TMEM182: variants seen among roughly 807,000 people sequenced by gnomAD.
The protein encoded by TMEM182 is transmembrane protein 182.
A neutral mutation model predicts 26.8 loss-of-function variants in TMEM182; 20 were observed. That is an observed-to-expected ratio of 0.75 (90% confidence interval 0.53 to 1.09). TMEM182 has a LOEUF of 1.09. Ranked by LOEUF, TMEM182 falls within the 50% of genes least tolerant of loss-of-function variation. The pLI is 0.00. For synonymous variants in TMEM182, 109 were observed against 102.2 expected, an observed-to-expected ratio of 1.07 and a Z score of -0.40; for missense variants, 277 against 275.5, an observed-to-expected ratio of 1.01 and a Z score of -0.04.
At position 102,816,508 on chromosome 2, in the gene TMEM182, G is replaced by A. The variant is rs893342982; in HGVS notation, c.*1540G>A. The A allele has an allele frequency of 4.7e-5, 38 of 809,726 alleles. No homozygotes were observed. In the East Asian group the frequency reaches 5.2e-3, roughly 111 times the overall value. The allele number at this position is 809,726 out of a possible 1,614,324, so 50.2% of individuals were successfully genotyped here. Reference sequence around the variant, plus strand: ...TCAGGGCATTTTCATGACAGGACTTGCCAATAATAATAATAATAATAATAA... The same window carrying A: ...TCAGGGCATTTTCATGACAGGACTTACCAATAATAATAATAATAATAATAA... On this transcript the variant is annotated 3_prime_UTR_variant, in exon 5 of 5. Transcript: ENST00000412401.
intron 1 of TMEM182, among the ~76,000 whole-genome samples, chr2:102,748,571 T>A (rs1375234267): frequency 6.6e-6 from 1 of 152,240 alleles, no homozygotes. Context: ...TTTTTTAGTC[T>A]AGGCTGGATT....
downstream of TMEM182, among the ~76,000 whole-genome samples, chr2:102,819,087 A>G (rs1682853669): frequency 6.6e-6 from 1 of 152,222 alleles, no homozygotes; most frequent in African/African-American, 2.4e-5. Flanking sequence ...ACGTCTAGGA[A>G]TTACAGTGAC....
At chr2:102,813,943 T>C (rs1288283601) in intron 4 of TMEM182, among the ~76,000 whole-genome samples, 1 of 151,992 alleles carries the variant, frequency 6.6e-6, no homozygotes, top group African/African-American at 2.4e-5. Flanking sequence ...CTTCATTCTC[T>C]CTCTTTCTTT....
At chr2:102,740,971 G>T (rs778923024) in intron 1 of TMEM182, among the ~76,000 whole-genome samples, 7 of 152,192 alleles carry the variant, frequency 4.6e-5, no homozygotes, top group Non-Finnish European at 1.0e-4. Flanking sequence ...AGGAACACAT[G>T]CTCTATGATT....
chr2:102,755,648 T>C (rs573560252), intron 1 of TMEM182, among the ~76,000 whole-genome samples: 49 of 152,326 alleles, frequency 3.2e-4, no homozygotes, highest in Middle Eastern at 6.8e-3. Flanking sequence ...AAAATAACAG[T>C]AGTGCTCTGT....
At position 102,772,680 on chromosome 2, in the gene TMEM182, C is replaced by T. The variant is rs1680729535; in HGVS notation, c.331+8253C>T. 2.0e-5 allele frequency among the ~76,000 whole-genome samples: 3 copies of T among 152,238 alleles called. No individual in the cohort carries two copies. The South Asian group carries it at 6.2e-4, about 32-fold the overall frequency. The stretch of plus-strand genomic sequence containing the variant: ...GTGCCATCACTTTGTCTTAAGAACA[C>T]TCGGGCAGGCTTCTTAATCTCCACA... On this transcript the variant is annotated intron_variant, in intron 3 of 4. Coordinates refer to ENST00000412401, the MANE Select transcript of TMEM182 (RefSeq NM_144632.5).
intron 3 of TMEM182, among the ~76,000 whole-genome samples, chr2:102,836,888 A>C (rs1012914006): frequency 1.3e-5 from 2 of 152,228 alleles, no homozygotes; most frequent in African/African-American, 4.8e-5. Context: ...CCTGATGGCT[A>C]TTCCAAGCTT....
chr2:102,841,128 G>A (rs972743817), intron 3 of TMEM182, among the ~76,000 whole-genome samples: 15 of 152,292 alleles, frequency 9.8e-5, no homozygotes, highest in African/African-American at 3.6e-4. Flanking sequence ...GGCGGAGGCG[G>A]ATCGGGGAGC....
chr2:102,812,946 T>C (rs1292009619), intron 4 of TMEM182, among the ~76,000 whole-genome samples: 1 of 152,216 alleles, frequency 6.6e-6, no homozygotes, highest in Non-Finnish European at 1.5e-5. Context: ...ACACATGGAA[T>C]TGCCATATTG....
Position 102,814,921 on chromosome 2 carries a change from G to A in TMEM182, c.643G>A (p.Gly215Arg), listed in dbSNP as rs1682689972. The change falls in exon 5 of 5, where the codon GGA (glycine) becomes AGA (arginine). Residue 215 changes from glycine to arginine, a missense_variant. Coordinates refer to ENST00000412401, the MANE Select transcript of TMEM182 (RefSeq NM_144632.5). Reference sequence around the variant, plus strand: ...TGGGATATTTTTTTCTTTGCTAGCTGGATTACTATTTCTGGTTGTTGGATG... The same window carrying A: ...TGGGATATTTTTTTCTTTGCTAGCTAGATTACTATTTCTGGTTGTTGGATG... Reference protein sequence around the residue: ...PAGIFFSLLAGLLFLVVGWHI... With the variant: ...PAGIFFSLLARLLFLVVGWHI... 6.2e-7 allele frequency: 1 copy of A among 1,613,830 alleles called. No homozygotes were observed. The highest frequency in any genetic ancestry group is 8.5e-7 in the Non-Finnish European group (1 of 1,179,928).
At chr2:102,783,156 A>G (rs1222147334) in intron 3 of TMEM182, among the ~76,000 whole-genome samples, 2 of 152,206 alleles carry the variant, frequency 1.3e-5, no homozygotes, top group Non-Finnish European at 2.9e-5. Context: ...TCTTCCAAAG[A>G]TATATCCTAT....
chr2:102,819,660 T>C (rs933758721), downstream of TMEM182, among the ~76,000 whole-genome samples: 1 of 152,194 alleles, frequency 6.6e-6, no homozygotes, highest in Non-Finnish European at 1.5e-5. Context: ...ACACATAATG[T>C]ATGTGTATGT....
At chr2:102,825,540 A>C (rs1463939678) in intron 3 of TMEM182, among the ~76,000 whole-genome samples, 1 of 152,238 alleles carries the variant, frequency 6.6e-6, no homozygotes, top group Non-Finnish European at 1.5e-5. Flanking sequence ...CTTTGGCCTT[A>C]GAAACCCCAT....
intron 3 of TMEM182, among the ~76,000 whole-genome samples, chr2:102,787,507 G>A (rs960851106): frequency 6.6e-6 from 1 of 152,144 alleles, no homozygotes; most frequent in Non-Finnish European, 1.5e-5. Context: ...TGGGGGTTAG[G>A]GGTTCAACAT....
intron 4 of TMEM182, among the ~76,000 whole-genome samples, chr2:102,803,208 A>G (rs544686464): frequency 6.6e-6 from 1 of 152,208 alleles, no homozygotes; most frequent in Non-Finnish European, 1.5e-5. Flanking sequence ...CCACGAGCAC[A>G]GGGTGAGCTC....
At chr2:102,758,542 A>T (rs917425213), upstream of TMEM182, 3 of 714,970 alleles carry the variant, frequency 4.2e-6, no homozygotes, top group African/African-American at 5.2e-5. Context: ...GTTTGAAAAC[A>T]TCTGTACAGG....
chr2:102,773,810 G>A (rs1236024473), intron 3 of TMEM182, among the ~76,000 whole-genome samples: 3 of 151,998 alleles, frequency 2.0e-5, no homozygotes, highest in African/African-American at 4.8e-5. Context: ...GATATTAGGA[G>A]GTAAAAATGT....
intron 4 of TMEM182, among the ~76,000 whole-genome samples, 199 bp from the exon 5 acceptor site, chr2:102,814,549 G>T (rs370089513): frequency 3.3e-5 from 5 of 152,262 alleles, no homozygotes; most frequent in African/African-American, 1.2e-4. Flanking sequence ...GGCTACTATA[G>T]CCCTCCTCTC....
chr2:102,777,761 T>A (rs1249550580), intron 3 of TMEM182, among the ~76,000 whole-genome samples: 1 of 151,672 alleles, frequency 6.6e-6, no homozygotes, highest in Non-Finnish European at 1.5e-5. Context: ...ATTTCCTTTT[T>A]TTTTTCTTTT....
Sources: allele counts gnomAD v4.1 joint callset (sites outside exome capture counted in the v4.1 genomes callset), GRCh38; gene constraint gnomAD v4.1.1; transcripts MANE v1.5; gene names NCBI Gene and HGNC (gene_info 2026-07-23, HGNC 2026-07-21).